The following TLL1 variants were observed in gnomAD, a reference collection of about 807,000 sequenced individuals.
TLL1 encodes the protein tolloid-like protein 1.
TLL1 carries 49 observed loss-of-function variants against 128.2 expected under a neutral mutation model. The ratio of observed to expected loss-of-function variants is 0.38; its 90% CI spans 0.30 to 0.48. The LOEUF is 0.48. Ranked by LOEUF, TLL1 falls within the 20% of genes least tolerant of loss-of-function variation. The probability of loss-of-function intolerance (pLI) is 0.96; values close to 1 mark genes in which losing one functional copy is unlikely to be tolerated. For synonymous variants in TLL1, 454 were observed against 418.8 expected, an observed-to-expected ratio of 1.08 and a Z score of -1.03; for missense variants, 1,123 against 1,242.0, an observed-to-expected ratio of 0.90 and a Z score of 1.44.
chr4:165,907,794 C>A (rs540555825), intron 1 of TLL1, among the ~76,000 whole-genome samples: 1 of 152,140 alleles, frequency 6.6e-6, no homozygotes, highest in Non-Finnish European at 1.5e-5. Flanking sequence ...GTGATCCACC[C>A]GCCTTGGCCT....
chr4:165,995,138 G>A lies in TLL1; in HGVS notation c.592G>A (p.Asp198Asn). The A allele has an allele frequency of 6.2e-7, 1 of 1,613,974 alleles. No individual in the cohort carries two copies. Among genetic ancestry groups the A allele is most frequent in the Non-Finnish European group, 8.5e-7 (1 of 1,179,924 alleles). ...ATGTGTGACTTTCATAGAAAGAAGTGATGAAGAGAGTTACATTGTATTCAC... is the reference window on the plus strand; with the variant it reads ...ATGTGTGACTTTCATAGAAAGAAGTAATGAAGAGAGTTACATTGTATTCAC... The part of the protein sequence containing the change: ...HTCVTFIERS[D>N]EESYIVFTYR... Residue 198 changes from aspartate (D) to asparagine (N), a missense_variant, in exon 5 of 21, where the codon GAT (aspartate) becomes AAT (asparagine). Around this residue, in one of 3 missense-constraint regions of TLL1, gnomAD observed 480 missense variants for 542.4 expected, o/e 0.89. Transcript: ENST00000061240.
chr4:166,048,304 C>T (rs1383909683), intron 12 of TLL1, among the ~76,000 whole-genome samples: 3 of 151,178 alleles, frequency 2.0e-5, no homozygotes, highest in East Asian at 3.9e-4. Context: ...AAAGGCAACG[C>T]TTATGAAGAG....
chr4:165,935,118 T>G (rs1398220356), intron 1 of TLL1, among the ~76,000 whole-genome samples: 1 of 152,180 alleles, frequency 6.6e-6, no homozygotes, highest in African/African-American at 2.4e-5. Flanking sequence ...GTTACTCTCA[T>G]TTTGCACATA....
intron 1 of TLL1, among the ~76,000 whole-genome samples, chr4:165,879,235 C>G (rs1162075385): frequency 6.6e-6 from 1 of 152,052 alleles, no homozygotes; most frequent in Non-Finnish European, 1.5e-5. Context: ...CGTGAGCACC[C>G]GGCTGACAGT....
chr4:166,052,965 GTATATA>G (rs61229255), intron 12 of TLL1, among the ~76,000 whole-genome samples: 2 of 99,700 alleles, frequency 2.0e-5, no homozygotes, highest in East Asian at 6.3e-4. Context: ...GAGGTTATGT[GTATATA>G]TATATATATA....
chr4:165,914,636 T>A (rs1732698567), intron 1 of TLL1, among the ~76,000 whole-genome samples: 1 of 152,214 alleles, frequency 6.6e-6, no homozygotes, highest in Non-Finnish European at 1.5e-5. Context: ...GGAATTCATT[T>A]CTGTGATGAG....
At chr4:166,002,330 G>A (rs1307442077) in intron 5 of TLL1, among the ~76,000 whole-genome samples, 1 of 152,104 alleles carries the variant, frequency 6.6e-6, no homozygotes, top group Non-Finnish European at 1.5e-5. Context: ...ATGAAGATCA[G>A]GTTTCAACAT....
chr4:165,975,169 C>A (rs148319149), intron 1 of TLL1, among the ~76,000 whole-genome samples: 122 of 152,242 alleles, frequency 8.0e-4, no homozygotes, highest in Non-Finnish European at 1.4e-3. Context: ...GATGAGGCAG[C>A]TTTTCAGCCA....
At chr4:166,077,564 A>G (rs1221321892) in intron 17 of TLL1, among the ~76,000 whole-genome samples, 1 of 152,190 alleles carries the variant, frequency 6.6e-6, no homozygotes, top group African/African-American at 2.4e-5. Context: ...TGGATTAAAT[A>G]CACCCAGTGT....
intron 1 of TLL1, among the ~76,000 whole-genome samples, chr4:165,882,267 T>C (rs1397904325): frequency 6.6e-6 from 1 of 152,200 alleles, no homozygotes; most frequent in East Asian, 1.9e-4. Context: ...ATATTTACTA[T>C]ACGGGTATTA....
intron 1 of TLL1, among the ~76,000 whole-genome samples, chr4:165,931,519 C>T (rs1733516161): frequency 6.8e-6 from 1 of 146,908 alleles, no homozygotes; most frequent in Non-Finnish European, 1.5e-5. Context: ...GAGATTGAGA[C>T]CTCCTGGCCA....
chr4:166,057,994 T>C (rs1740110988), intron 14 of TLL1, among the ~76,000 whole-genome samples: 1 of 152,190 alleles, frequency 6.6e-6, no homozygotes, highest in Non-Finnish European at 1.5e-5. Context: ...GATTCATCTA[T>C]ATATAAATCT....
intron 1 of TLL1, among the ~76,000 whole-genome samples, chr4:165,962,473 G>A (rs1012373233): frequency 3.3e-5 from 5 of 152,144 alleles, no homozygotes; most frequent in African/African-American, 7.2e-5. Flanking sequence ...CACTGTTGGT[G>A]GGAATGTATT....
At chr4:165,965,458 C>T (rs1735321879) in intron 1 of TLL1, among the ~76,000 whole-genome samples, 1 of 152,114 alleles carries the variant, frequency 6.6e-6, no homozygotes, top group Non-Finnish European at 1.5e-5. Flanking sequence ...CACTTTATTT[C>T]TTGGATTTTC....
intron 8 of TLL1, among the ~76,000 whole-genome samples, chr4:166,022,097 GTTTAAA>G (rs1738266925): frequency 6.6e-6 from 1 of 151,690 alleles, no homozygotes; most frequent in African/African-American, 2.4e-5. Context: ...TTTATGAATA[GTTTAAA>G]TTTACCAACT....
intron 9 of TLL1, among the ~76,000 whole-genome samples, chr4:166,034,610 A>G (rs1738914245): frequency 6.6e-6 from 1 of 152,198 alleles, no homozygotes; most frequent in Non-Finnish European, 1.5e-5. Context: ...ATTACATTAT[A>G]TTCAGAAAAG....
At position 166,100,808 on chromosome 4, in the gene TLL1, A is replaced by AAT. The variant is rs746474233; in HGVS notation, c.2975_2976insTA (p.Lys993ThrfsTer7). The AAT allele has an allele frequency of 1.2e-6, 2 of 1,613,144 alleles. No homozygotes were observed. Among genetic ancestry groups the AAT allele is most frequent in the Non-Finnish European group, 1.7e-6 (2 of 1,179,406 alleles). ...TCATTTCCACACTGATGACACAATCAACAAGAAGGGATTTCATATAAGATA... is the reference window on the plus strand; with the variant it reads ...TCATTTCCACACTGATGACACAATCAATACAAGAAGGGATTTCATATAAGATA... On this transcript the variant is annotated frameshift_variant, in exon 21 of 21. Coordinates refer to ENST00000061240, the MANE Select transcript of TLL1 (RefSeq NM_012464.5). LOFTEE classifies it high-confidence loss of function.
intron 1 of TLL1, among the ~76,000 whole-genome samples, chr4:165,972,101 C>T (rs1735655170): frequency 1.3e-5 from 2 of 152,050 alleles, no homozygotes; most frequent in South Asian, 4.1e-4. Flanking sequence ...CTTGAGCAAT[C>T]TGGAAGTTGT....
At chr4:166,087,853 A>G (rs1300587706) in intron 18 of TLL1, among the ~76,000 whole-genome samples, 2 of 152,078 alleles carry the variant, frequency 1.3e-5, no homozygotes, top group East Asian at 1.9e-4. Flanking sequence ...CGAGAGTTCA[A>G]TTTTATTTCT....
Sources: gnomAD v4.1 joint callset for allele counts (sites outside exome capture counted in the v4.1 genomes callset) on GRCh38, gnomAD v4.1.1 for gene constraint, gnomAD v4.1.1 regional missense constraint, MANE v1.5 for transcripts, NCBI Gene and HGNC (gene_info 2026-07-23, HGNC 2026-07-21) for gene names.